Variants in NOTCH2NLC observed in about 807,000 individuals in gnomAD.
The protein encoded by NOTCH2NLC is notch 2 N-terminal like C.
NOTCH2NLC carries 4 observed loss-of-function variants against 17.7 expected under a neutral mutation model. The observed-to-expected ratio is 0.23, with a 90% CI of 0.11 to 0.52. The LOEUF is 0.52. Among genes scored for constraint, NOTCH2NLC ranks in the 20% least tolerant of loss-of-function variants. The probability of loss-of-function intolerance (pLI) is 0.96; values close to 1 mark genes in which losing one functional copy is unlikely to be tolerated. For synonymous variants in NOTCH2NLC, 18 were observed against 86.0 expected, an observed-to-expected ratio of 0.21 and a Z score of 4.38; for missense variants, 57 against 207.2, an observed-to-expected ratio of 0.28 and a Z score of 4.45.
At position 149,471,535 on chromosome 1, in the gene NOTCH2NLC, C is replaced by A. The variant is rs1421669948; in HGVS notation, c.*7382C>A. Among the ~76,000 whole-genome samples, 1 of 150,216 alleles carries A rather than the reference C, an allele frequency of 6.7e-6. No individual in the cohort carries two copies. The highest frequency in any genetic ancestry group is 1.5e-5 in the Non-Finnish European group (1 of 67,380). The stretch of plus-strand genomic sequence containing the variant: ...CTTTTACATGTGGATATTTAGTTGT[C>A]CCAGGACCATTTGTTGAATTAAGTG... On this transcript the variant is annotated 3_prime_UTR_variant, in exon 5 of 5. Transcript: ENST00000650865.
intron 1 of NOTCH2NLC, among the ~76,000 whole-genome samples, chr1:149,417,171 G>A (rs2084340661): frequency 4.4e-5 from 6 of 135,714 alleles, no homozygotes; most frequent in South Asian, 2.4e-4. Context: ...GTGCAGTGGC[G>A]CGATCTCTGC....
Position 149,430,994 on chromosome 1 carries a change from A to G in NOTCH2NLC, c.188A>G (p.His63Arg), listed in dbSNP as rs2084446137. ...AATGAAGGAATGTGTGTTACCTACC[A>G]CAATGGCACAGGATACTGCAAGTAA... Reference protein sequence around the residue: ...CVNEGMCVTYHNGTGYCKCPE... With the variant: ...CVNEGMCVTYRNGTGYCKCPE... The change falls in exon 2 of 5, where the codon CAC becomes CGC. Residue 63 changes from histidine to arginine, a missense_variant. Coordinates refer to ENST00000650865, the MANE Select transcript of NOTCH2NLC (RefSeq NM_001364013.2). The G allele has an allele frequency of 2.5e-6, 1 of 407,444 alleles. No individual in the cohort carries two copies. 25.2% of individuals were successfully genotyped at this position (407,444 alleles called of 1,614,324 possible).
intron 1 of NOTCH2NLC, among the ~76,000 whole-genome samples, chr1:149,419,880 T>C (rs1431869781): frequency 2.3e-5 from 3 of 132,344 alleles, no homozygotes; most frequent in African/African-American, 5.7e-5. Flanking sequence ...TTTTTTTTTT[T>C]TCCTCAGGCA....
At chr1:149,420,033 ATT>A (rs1217757795) in intron 1 of NOTCH2NLC, among the ~76,000 whole-genome samples, 2 of 140,348 alleles carry the variant, frequency 1.4e-5, no homozygotes, top group African/African-American at 2.6e-5. Flanking sequence ...TGCCCAGCTA[ATT>A]TTTTTTTTGT....
At chr1:149,445,824 C>T (rs2084548680) in intron 2 of NOTCH2NLC, among the ~76,000 whole-genome samples, 1 of 145,852 alleles carries the variant, frequency 6.9e-6, no homozygotes, top group Admixed American at 6.9e-5. Context: ...TAAAGCATGC[C>T]TCTCTTTTTC....
chr1:149,414,435 T>G (rs1403569468), intron 1 of NOTCH2NLC, among the ~76,000 whole-genome samples: 2 of 150,198 alleles, frequency 1.3e-5, no homozygotes, highest in Non-Finnish European at 3.0e-5. Context: ...TTTGCATTTT[T>G]CTGGCATACT....
intron 1 of NOTCH2NLC, among the ~76,000 whole-genome samples, chr1:149,398,584 C>T (rs1415297314): frequency 2.0e-5 from 3 of 150,920 alleles, no homozygotes; most frequent in African/African-American, 7.3e-5. Flanking sequence ...CCCTGTTCTA[C>T]TAGCTCCCCA....
chr1:149,392,353 A>AC (rs1261919264), intron 1 of NOTCH2NLC, among the ~76,000 whole-genome samples: 1 of 117,700 alleles, frequency 8.5e-6, no homozygotes, highest in African/African-American at 3.3e-5. Context: ...ATGTTTAAAA[A>AC]GAGAACAAGG....
At position 149,404,475 on chromosome 1, in the gene NOTCH2NLC, T is replaced by G. The variant is rs1471560328; in HGVS notation, c.135+13553T>G. On this transcript the variant is annotated intron_variant, in intron 1 of 4. Coordinates refer to ENST00000650865, the MANE Select transcript of NOTCH2NLC (RefSeq NM_001364013.2). ...GCTGGGTCAGGGTTGGGGCCAGAAT[T>G]CAATCTCTTGACTTTTAGTCAAGTG... Among the ~76,000 whole-genome samples, 3 of 151,298 alleles carry G rather than the reference T, an allele frequency of 2.0e-5. No homozygotes were observed. In the East Asian group the frequency reaches 5.9e-4, roughly 30 times the overall value.
chr1:149,414,462 A>G (rs1248434076), intron 1 of NOTCH2NLC, among the ~76,000 whole-genome samples: 2 of 150,778 alleles, frequency 1.3e-5, no homozygotes, highest in African/African-American at 4.9e-5. Context: ...TCTTGAGCGC[A>G]TATGTATCCT....
At chr1:149,462,119 C>G (rs1346203790) in intron 3 of NOTCH2NLC, among the ~76,000 whole-genome samples, 6 of 145,732 alleles carry the variant, frequency 4.1e-5, no homozygotes, top group Non-Finnish European at 9.1e-5. Context: ...TACCCTAGAA[C>G]TTAAAGTATA....
At chr1:149,421,511 A>T (rs1484727962) in intron 1 of NOTCH2NLC, among the ~76,000 whole-genome samples, 1 of 147,326 alleles carries the variant, frequency 6.8e-6, no homozygotes, top group Non-Finnish European at 1.5e-5. Flanking sequence ...AAAAAAAAAA[A>T]AAAAAAAAAG....
At chr1:149,448,959 G>T (rs1459424052) in intron 2 of NOTCH2NLC, among the ~76,000 whole-genome samples, 1 of 144,534 alleles carries the variant, frequency 6.9e-6, no homozygotes, top group Non-Finnish European at 1.5e-5. Context: ...TTGGCTCACT[G>T]CAACCTCCAA....
At chr1:149,426,576 C>CTTTTTT (rs1224339764) in intron 1 of NOTCH2NLC, among the ~76,000 whole-genome samples, 5 of 104,448 alleles carry the variant, frequency 4.8e-5, no homozygotes, top group Admixed American at 1.1e-4. Context: ...TTCTTTTTGC[C>CTTTTTT]TTTTTTTTTT....
intron 1 of NOTCH2NLC, among the ~76,000 whole-genome samples, chr1:149,427,492 CTTTTTTT>C (rs1171198772): frequency 4.6e-4 from 40 of 87,206 alleles, no homozygotes; most frequent in Middle Eastern, 6.9e-3. Context: ...TCTACCACAG[CTTTTTTT>C]TTTTTTTTTT....
intron 1 of NOTCH2NLC, among the ~76,000 whole-genome samples, chr1:149,400,132 A>ATATATATATATAT (rs1464101913): frequency 8.8e-5 from 11 of 124,980 alleles, no homozygotes; most frequent in African/African-American, 1.5e-4. Context: ...ATATATATAT[A>ATATATATATATAT]ATATATATTT....
At chr1:149,419,896 T>C (rs2084369833) in intron 1 of NOTCH2NLC, among the ~76,000 whole-genome samples, 1 of 131,254 alleles carries the variant, frequency 7.6e-6, no homozygotes, top group Admixed American at 7.8e-5. Flanking sequence ...AGGCAGAGTC[T>C]TGCTGTGTCG....
chr1:149,412,759 G>A (rs1449344559), intron 1 of NOTCH2NLC, among the ~76,000 whole-genome samples: 9 of 125,304 alleles, frequency 7.2e-5, no homozygotes, highest in African/African-American at 2.6e-4. Context: ...GCTGCCATGA[G>A]CTGAGATCAC....
At chr1:149,419,981 C>T (rs2084370285) in intron 1 of NOTCH2NLC, among the ~76,000 whole-genome samples, 1 of 141,972 alleles carries the variant, frequency 7.0e-6, no homozygotes, top group Non-Finnish European at 1.6e-5. Flanking sequence ...ATTCTCCTGC[C>T]TCAGACTCCC....
Sources: allele counts gnomAD v4.1 joint callset (sites outside exome capture counted in the v4.1 genomes callset), GRCh38; gene constraint gnomAD v4.1.1; transcripts MANE v1.5; gene names NCBI Gene and HGNC (gene_info 2026-07-23, HGNC 2026-07-21).